The following FCRL3 variants were observed in gnomAD, a reference collection of about 807,000 sequenced individuals.
FCRL3 encodes Fc receptor like 3.
FCRL3 carries 89 observed loss-of-function variants against 75.0 expected under a neutral mutation model. The observed-to-expected ratio is 1.19, with a 90% CI of 1.00 to 1.42. The LOEUF (loss-of-function observed/expected upper bound fraction) is 1.42, where lower values mean the gene tolerates loss of function less well. FCRL3 is among the 40% of genes most tolerant of loss of function. FCRL3 has a pLI of 0.00. For synonymous variants in FCRL3, 376 were observed against 348.5 expected (o/e 1.08, Z -0.88); for missense variants, 946 against 880.0 (o/e 1.07, Z -0.95).
intron 11 of FCRL3, among the ~76,000 whole-genome samples, chr1:157,681,789 C>G (rs1654866784): frequency 6.6e-6 from 1 of 152,118 alleles, no homozygotes; most frequent in Non-Finnish European, 1.5e-5. Context: ...AATGGTATTT[C>G]TACTTCTAGA....
chr1:157,676,809 T>C lies in FCRL3; in HGVS notation c.*1901A>G, dbSNP rs1654485275. The C allele has an allele frequency of 6.5e-7, 1 of 1,548,986 alleles. No homozygotes were observed. The highest frequency in any genetic ancestry group is 1.4e-5 in the African/African-American group (1 of 72,990). On this transcript the variant is annotated 3_prime_UTR_variant, in exon 15 of 15. Coordinates refer to ENST00000368184, the MANE Select transcript of FCRL3 (RefSeq NM_052939.4). ...ACAATGATAAGAGATGACAGGTCCC[T>C]TAGAGAAAGTTCACTATAAGGCACA...
At chr1:157,693,838 C>G (rs557619174) in intron 8 of FCRL3, among the ~76,000 whole-genome samples, 8 of 152,128 alleles carry the variant, frequency 5.3e-5, no homozygotes, top group Middle Eastern at 3.4e-3. Flanking sequence ...GTCTCAACCT[C>G]TTGGGTTCAA....
intron 9 of FCRL3, 105 bp from the exon 10 acceptor site, chr1:157,690,022 G>A: frequency 6.6e-7 from 1 of 1,507,854 alleles, no homozygotes; most frequent in Non-Finnish European, 9.0e-7. Context: ...TCCTCCTGTA[G>A]CATCATTTGT....
chr1:157,677,430 A>G lies in FCRL3; in HGVS notation c.*1280T>C. On this transcript the variant is annotated 3_prime_UTR_variant, in exon 15 of 15. Coordinates refer to ENST00000368184, the MANE Select transcript of FCRL3 (RefSeq NM_052939.4). Reference sequence around the variant, plus strand: ...TGAAGGCCTAGAATTGGCAACATTCAGAGATTAATGTTAATATAATCTCAG... The same window carrying G: ...TGAAGGCCTAGAATTGGCAACATTCGGAGATTAATGTTAATATAATCTCAG... 3.0e-6 allele frequency: 3 copies of G among 985,544 alleles called. No individual in the cohort carries two copies. The highest frequency in any genetic ancestry group is 3.6e-6 in the Non-Finnish European group (3 of 829,998). 61.0% of individuals were successfully genotyped at this position (985,544 alleles called of 1,614,324 possible).
rs987294152 is a variant in FCRL3, at chr1:157,677,819, A to G, written c.*891T>C. 6 of 511,502 alleles carry G rather than the reference A, an allele frequency of 1.2e-5. No homozygotes were observed. Among genetic ancestry groups the G allele is most frequent in the African/African-American group, 1.1e-4 (5 of 47,554 alleles). 31.7% of individuals were successfully genotyped at this position (511,502 alleles called of 1,614,324 possible). On this transcript the variant is annotated 3_prime_UTR_variant, in exon 15 of 15. Coordinates refer to ENST00000368184, the MANE Select transcript of FCRL3 (RefSeq NM_052939.4). ...AAGGAAAACATGTAGATACATTAATATGATAGAAATAGGAGAGCATGGGAA... is the reference window on the plus strand; with the variant it reads ...AAGGAAAACATGTAGATACATTAATGTGATAGAAATAGGAGAGCATGGGAA...
intron 10 of FCRL3, 123 bp downstream of exon 10, chr1:157,689,675 G>A (rs1329070737): frequency 3.9e-6 from 5 of 1,279,058 alleles, no homozygotes; most frequent in South Asian, 3.2e-5. Flanking sequence ...GTGACAGTGA[G>A]TAGTGGAACT....
chr1:157,677,727 C>A lies in FCRL3; in HGVS notation c.*983G>T. On this transcript the variant is annotated 3_prime_UTR_variant, in exon 15 of 15. Coordinates refer to ENST00000368184, the MANE Select transcript of FCRL3 (RefSeq NM_052939.4). The stretch of plus-strand genomic sequence containing the variant: ...AGAAATACAACATGAAGAGAAAGTA[C>A]TAAAAAAAATTATCTACAACAATAT... The A allele has an allele frequency of 1.6e-6, 1 of 644,762 alleles. No homozygotes were observed. Among genetic ancestry groups the A allele is most frequent in the Non-Finnish European group, 1.9e-6 (1 of 519,354 alleles). The allele number at this position is 644,762 out of a possible 1,614,324, so 39.9% of individuals were successfully genotyped here.
intron 7 of FCRL3, 108 bp downstream of exon 7, chr1:157,695,932 C>A (rs531154038): frequency 1.0e-4 from 15 of 145,322 alleles, no homozygotes; most frequent in East Asian, 1.9e-4. Flanking sequence ...TCCCCACCCC[C>A]CTCCCCTCCC....
chr1:157,693,738 C>CTT (rs368874558), intron 8 of FCRL3, among the ~76,000 whole-genome samples: 66 of 78,024 alleles, frequency 8.5e-4, no homozygotes, highest in Non-Finnish European at 9.2e-4. Context: ...CTCTCTCTCT[C>CTT]TCTCTCTTTC....
Position 157,697,834 on chromosome 1 carries a change from A to C in FCRL3, c.384T>G (p.Thr128=), listed in dbSNP as rs199550082. The change falls in exon 5 of 15, where the codon ACT becomes ACG. Residue 128 remains threonine (T), a synonymous_variant. Transcript: ENST00000368184. ...CATCCTTGTAGTAAACCTTTTGATG[A>C]GTGTTTTTGTTGTCTTTCCCCTGAC... The part of the protein sequence containing the change: ...LRCQGKDNKN[T]HQKVYYKDGK... 12 of 1,614,068 alleles carry C rather than the reference A, an allele frequency of 7.4e-6. No individual in the cohort carries two copies. In the South Asian group the frequency reaches 1.2e-4, roughly 16 times the overall value.
intron 9 of FCRL3, 24 bp from the exon 10 acceptor site, chr1:157,689,941 A>C: frequency 6.2e-7 from 1 of 1,612,362 alleles, no homozygotes; most frequent in Non-Finnish European, 8.5e-7. Context: ...GCTGTACTTG[A>C]GTTTCAGTGG....
Position 157,677,100 on chromosome 1 carries a change from C to A in FCRL3, c.*1610G>T. 1 of 1,105,130 alleles carries A rather than the reference C, an allele frequency of 9.0e-7. No individual in the cohort carries two copies. The highest frequency in any genetic ancestry group is 1.1e-6 in the Non-Finnish European group (1 of 897,484). 68.5% of individuals were successfully genotyped at this position (1,105,130 alleles called of 1,614,324 possible). A position where few individuals can be genotyped will look rare whatever the true frequency, so the allele number is the denominator to read the frequency against. On this transcript the variant is annotated 3_prime_UTR_variant, in exon 15 of 15. Coordinates refer to ENST00000368184, the MANE Select transcript of FCRL3 (RefSeq NM_052939.4). ...GACATCATGCCCTGCACTCAAAGGCCAGGATAAGGGTAACAGAGGCCAGTG... is the reference window on the plus strand; with the variant it reads ...GACATCATGCCCTGCACTCAAAGGCAAGGATAAGGGTAACAGAGGCCAGTG...
In FCRL3 at chr1:157,676,512, G is replaced by A; in HGVS notation, c.*2198C>T. ...TTCCAATGGTCTTTTATTTTCAAAG[G>A]CTCCACTAAAATTACTTTTTTTAGA... On this transcript the variant is annotated 3_prime_UTR_variant, in exon 15 of 15. Coordinates refer to ENST00000368184, the MANE Select transcript of FCRL3 (RefSeq NM_052939.4). The A allele has an allele frequency of 2.1e-6, 1 of 486,962 alleles. No homozygotes were observed. Among genetic ancestry groups the A allele is most frequent in the Non-Finnish European group, 3.7e-6 (1 of 273,820 alleles). 30.2% of individuals were successfully genotyped at this position (486,962 alleles called of 1,614,324 possible).
At chr1:157,683,850 T>C (rs1488993388) in intron 10 of FCRL3, among the ~76,000 whole-genome samples, 1 of 152,220 alleles carries the variant, frequency 6.6e-6, no homozygotes. Context: ...CTGTCCCTGA[T>C]GCCAACAGGC....
At chr1:157,690,769 A>G (rs974393478) in intron 8 of FCRL3, among the ~76,000 whole-genome samples, 3 of 152,208 alleles carry the variant, frequency 2.0e-5, no homozygotes, top group South Asian at 4.1e-4. Context: ...ATGATACATT[A>G]TATCTCAAGC....
In FCRL3 at chr1:157,697,216, C is replaced by T; in HGVS notation, c.768G>A (p.Gly256=). Residue 256 remains glycine, a synonymous_variant, in exon 6 of 15, where the codon GGG becomes GGA. Coordinates refer to ENST00000368184, the MANE Select transcript of FCRL3 (RefSeq NM_052939.4). Reference sequence around the variant, plus strand: ...CTGTCTCCACCTCACACCAGTAAGACCCTGAGTCTTCAGTCCACATGGCAG... The same window carrying T: ...CTGTCTCCACCTCACACCAGTAAGATCCTGAGTCTTCAGTCCACATGGCAG... The part of the protein sequence containing the change: ...QIPAMWTEDS[G]SYWCEVETVT... 6.3e-7 allele frequency: 1 copy of T among 1,593,594 alleles called. No homozygotes were observed. Among genetic ancestry groups the T allele is most frequent in the African/African-American group, 1.3e-5 (1 of 74,350 alleles).
rs767917731 is a variant in FCRL3 at position 157,696,156 on chromosome 1, A to T, written c.1016T>A (p.Leu339Gln). 1 of 1,613,966 alleles carries T rather than the reference A, an allele frequency of 6.2e-7. No individual in the cohort carries two copies. The highest frequency in any genetic ancestry group is 1.1e-5 in the South Asian group (1 of 91,074). ...GGTGAGAACATGCAGCTCTGCCAACAGGGAACGCTGGGTCTTTCTACCCAG... is the reference window on the plus strand; with the variant it reads ...GGTGAGAACATGCAGCTCTGCCAACTGGGAACGCTGGGTCTTTCTACCCAG... ...RSLGRKTQRSLLAELHVLTVK... is the reference protein window; with the variant it reads ...RSLGRKTQRSQLAELHVLTVK... The change falls in exon 7 of 15, where the codon CTG becomes CAG. Residue 339 changes from leucine (L) to glutamine (Q), a missense_variant. Coordinates refer to ENST00000368184, the MANE Select transcript of FCRL3 (RefSeq NM_052939.4).
At chr1:157,678,995 G>A (rs761676311) in intron 13 of FCRL3, 22 bp from the exon 14 acceptor site, 3 of 1,613,896 alleles carry the variant, frequency 1.9e-6, no homozygotes, top group East Asian at 2.2e-5. Context: ...GAGTAGCAAA[G>A]AAAAGTATTA....
At chr1:157,684,041 A>C (rs1296419246) in intron 10 of FCRL3, among the ~76,000 whole-genome samples, 2 of 152,212 alleles carry the variant, frequency 1.3e-5, no homozygotes, top group African/African-American at 2.4e-5. Flanking sequence ...TTAGCAGTTA[A>C]AAATATTCAA....
Sources: gnomAD v4.1 joint callset for allele counts (sites outside exome capture counted in the v4.1 genomes callset) on GRCh38, gnomAD v4.1.1 for gene constraint, MANE v1.5 for transcripts, NCBI Gene and HGNC (gene_info 2026-07-23, HGNC 2026-07-21) for gene names.